The following DAGLB variants were observed in gnomAD, a reference collection of about 807,000 sequenced individuals.
DAGLB encodes the protein diacylglycerol lipase beta.
A neutral mutation model predicts 72.1 loss-of-function variants in DAGLB; 66 were observed. That is an observed-to-expected ratio of 0.92 (90% CI 0.75 to 1.12). The LOEUF (loss-of-function observed/expected upper bound fraction) is 1.12. DAGLB is among the 50% of genes most tolerant of loss of function. The pLI is 0.00. For missense variants in DAGLB, 1,065 were observed against 884.9 expected (o/e 1.20, Z -2.58); for synonymous variants, 414 against 359.5 (o/e 1.15, Z -1.71).
At chr7:6,413,077 A>G (rs1583279131) in intron 11 of DAGLB, 43 bp from the exon 12 acceptor site, 1 of 1,596,572 alleles carries the variant, frequency 6.3e-7, no homozygotes, top group Non-Finnish European at 8.6e-7. Context: ...TTACGATGAC[A>G]CTGCCCACAA....
intron 13 of DAGLB, among the ~76,000 whole-genome samples, chr7:6,411,811 A>AT (rs1783737902): frequency 6.6e-6 from 1 of 152,196 alleles, no homozygotes; most frequent in African/African-American, 2.4e-5. Context: ...CAAAATTCAT[A>AT]TATCTGTATC....
rs1583307304 is a variant in DAGLB, at chr7:6,447,677, G to T, written c.95+71C>A. On this transcript the variant is annotated intron_variant, in intron 1 of 14. Coordinates refer to ENST00000297056, the MANE Select transcript of DAGLB (RefSeq NM_139179.4). ...TGCTTGGGAAGCCACTTCTGTCACC[G>T]TCTCAAGGGACAGCTCGCCCCCCGC... 9 of 1,531,674 alleles carry T rather than the reference G, an allele frequency of 5.9e-6. No homozygotes were observed. In the South Asian group the frequency reaches 8.4e-5, roughly 14 times the overall value. The allele number at this position is 1,531,674 out of a possible 1,614,324, so 94.9% of individuals were successfully genotyped here.
chr7:6,436,794 G>A (rs1435169858), intron 2 of DAGLB, among the ~76,000 whole-genome samples: 1 of 151,990 alleles, frequency 6.6e-6, no homozygotes, highest in African/African-American at 2.4e-5. Context: ...TCACTGGGGT[G>A]ACAATATAAT....
intron 11 of DAGLB, among the ~76,000 whole-genome samples, chr7:6,415,383 G>A (rs180932640): frequency 1.8e-4 from 28 of 151,844 alleles, no homozygotes; most frequent in African/African-American, 2.7e-4. Flanking sequence ...TGTTCTTTAC[G>A]TACATACTTT....
At chr7:6,444,788 C>A (rs565089448) in intron 2 of DAGLB, among the ~76,000 whole-genome samples, 1 of 152,128 alleles carries the variant, frequency 6.6e-6, no homozygotes, top group African/African-American at 2.4e-5. Flanking sequence ...GGCCTGTGGC[C>A]CCAGCTATTC....
chr7:6,424,980 T>C, intron 7 of DAGLB, 145 bp from the exon 8 acceptor site: 1 of 732,174 alleles, frequency 1.4e-6, no homozygotes, highest in East Asian at 2.7e-5. Flanking sequence ...TCACGCTCAC[T>C]ACACAGTGGG....
chr7:6,438,949 G>A (rs1347694459), intron 2 of DAGLB, among the ~76,000 whole-genome samples: 2 of 152,054 alleles, frequency 1.3e-5, no homozygotes, highest in Non-Finnish European at 2.9e-5. Flanking sequence ...GGCCGGGTGC[G>A]GTGGCTCACG....
Position 6,425,991 on chromosome 7 carries a change from G to C in DAGLB, c.1053C>G (p.Asp351Glu). 6.2e-7 allele frequency: 1 copy of C among 1,614,076 alleles called. No homozygotes were observed. The highest frequency in any genetic ancestry group is 1.7e-4 in the Middle Eastern group (1 of 6,040). ...CCGCTGTCTGCAGCGTCCACACCTT[G>C]TCATGGAAGCTGACGTGGATGAAGT... ...YRDFIHVSFH[D>E]KVYELPFLVA... Residue 351 changes from aspartate to glutamate, a missense_variant, in exon 7 of 15, where the codon GAC becomes GAG. Transcript: ENST00000297056.
chr7:6,447,083 C>A (rs1785031380), intron 1 of DAGLB, among the ~76,000 whole-genome samples: 1 of 152,178 alleles, frequency 6.6e-6, no homozygotes, highest in Non-Finnish European at 1.5e-5. Context: ...AAGCAATCCT[C>A]CCGTCTCAGC....
chr7:6,447,313 T>C lies in DAGLB; in HGVS notation c.95+435A>G, dbSNP rs912181705. 5.3e-5 allele frequency among the ~76,000 whole-genome samples: 8 copies of C among 152,318 alleles called. No homozygotes were observed. In the East Asian group the frequency reaches 1.5e-3, roughly 29 times the overall value. On this transcript the variant is annotated intron_variant, in intron 1 of 14. Transcript: ENST00000297056. ...CCACAACCGGCTCGGTATTTTTTCCTATCCTTCGTGTTGCAGATTCAAGTG... is the reference window on the plus strand; with the variant it reads ...CCACAACCGGCTCGGTATTTTTTCCCATCCTTCGTGTTGCAGATTCAAGTG...
chr7:6,416,639 CG>C lies in DAGLB; in HGVS notation c.1414del (p.Arg472GlyfsTer25). Reference sequence around the variant, plus strand: ...AACAAAGGCTCACCTCCACAGCCCCCGGGGTGGGGAGAAGGCGTAGCACCTG... The same window carrying C: ...AACAAAGGCTCACCTCCACAGCCCCCGGGTGGGGAGAAGGCGTAGCACCTG... ...QVRCYAFSPPRGLWSKALQEY... is the reference protein window; with the variant it reads ...QVRCYAFSPPXGLWSKALQEY... On this transcript the variant is annotated frameshift_variant, in exon 11 of 15. Transcript: ENST00000297056. LOFTEE classifies it high-confidence loss of function. 1 of 1,609,480 alleles carries C rather than the reference CG, an allele frequency of 6.2e-7. No homozygotes were observed. Among genetic ancestry groups the C allele is most frequent in the African/African-American group, 1.3e-5 (1 of 74,912 alleles).
intron 4 of DAGLB, among the ~76,000 whole-genome samples, chr7:6,433,253 A>G (rs895108689): frequency 6.6e-6 from 1 of 152,222 alleles, no homozygotes; most frequent in African/African-American, 2.4e-5. Context: ...AATATTTTGT[A>G]AAGTGGAGAA....
At chr7:6,437,940 C>T (rs1784715097) in intron 2 of DAGLB, among the ~76,000 whole-genome samples, 1 of 152,114 alleles carries the variant, frequency 6.6e-6, no homozygotes, top group South Asian at 2.1e-4. Context: ...CAGCACCCTA[C>T]CAGGAAATAG....
intron 9 of DAGLB, among the ~76,000 whole-genome samples, chr7:6,421,041 G>A (rs898861349): frequency 6.6e-6 from 1 of 152,150 alleles, no homozygotes; most frequent in South Asian, 2.1e-4. Flanking sequence ...GGTGGCTCAC[G>A]CCCGTAATCC....
rs1302264747 is a variant in DAGLB, at chr7:6,421,311, G to T, written c.1218+416C>A. Among the ~76,000 whole-genome samples, 3 of 34,030 alleles carry T rather than the reference G, an allele frequency of 8.8e-5. No homozygotes were observed. In the South Asian group the frequency reaches 2.8e-3, roughly 32 times the overall value. 22.3% of individuals were successfully genotyped at this position (34,030 alleles called of 152,430 possible). A position where few individuals can be genotyped will look rare whatever the true frequency, so the allele number is the denominator to read the frequency against. On this transcript the variant is annotated intron_variant, in intron 9 of 14. Transcript: ENST00000297056. ...CTCCCAGGGCTGCTGTGAGAATCAG[G>T]CAGCGCGGGAGGCGCAGGCAGCGCG...
intron 6 of DAGLB, among the ~76,000 whole-genome samples, chr7:6,426,654 A>G (rs1387005906): frequency 6.6e-6 from 1 of 152,196 alleles, no homozygotes; most frequent in Non-Finnish European, 1.5e-5. Context: ...AATGATTTCT[A>G]TATTCAAAAA....
chr7:6,416,779 G>A (rs776998728), intron 10 of DAGLB, 25 bp from the exon 11 acceptor site: 2 of 1,614,088 alleles, frequency 1.2e-6, no homozygotes, highest in Admixed American at 1.7e-5. Context: ...GCAGAATGAG[G>A]TGAAGGGTAA....
In DAGLB at chr7:6,416,609, A is replaced by T; in HGVS notation, c.1427+18T>A. 6.3e-7 allele frequency: 1 copy of T among 1,579,168 alleles called. No individual in the cohort carries two copies. Among genetic ancestry groups the T allele is most frequent in the Non-Finnish European group, 8.6e-7 (1 of 1,165,448 alleles). Reference sequence around the variant, plus strand: ...CTTGTAAGTAGCAAGCTGTTAGAGCAGGAAAACAAAGGCTCACCTCCACAG... The same window carrying T: ...CTTGTAAGTAGCAAGCTGTTAGAGCTGGAAAACAAAGGCTCACCTCCACAG... On this transcript the variant is annotated intron_variant, in intron 11 of 14. Transcript: ENST00000297056.
intron 9 of DAGLB, 180 bp from the exon 10 acceptor site, chr7:6,417,101 G>GACTC: frequency 1.5e-6 from 1 of 670,982 alleles, no homozygotes; most frequent in South Asian, 1.9e-5. Flanking sequence ...CACAGCGCCT[G>GACTC]ACGTGAAGCA....
Sources: allele counts gnomAD v4.1 joint callset (sites outside exome capture counted in the v4.1 genomes callset), GRCh38; gene constraint gnomAD v4.1.1; transcripts MANE v1.5; gene names NCBI Gene and HGNC (gene_info 2026-07-23, HGNC 2026-07-21).